The following OBP2B variants were observed in gnomAD, a reference collection of about 807,000 sequenced individuals.
OBP2B encodes odorant binding protein 2B, also known as odorant-binding protein 2b.
Under a neutral mutation model 21.7 loss-of-function variants are expected in OBP2B, and 10 were observed. The observed-to-expected ratio is 0.46, with a 90% CI of 0.28 to 0.78. The LOEUF is 0.78. Among genes scored for constraint, OBP2B ranks in the 30% least tolerant of loss-of-function variants. OBP2B has a pLI of 0.11. For synonymous variants in OBP2B, 73 were observed against 91.5 expected (o/e 0.80, Z 1.16); for missense variants, 153 against 217.7 (o/e 0.70, Z 1.87).
chr9:133,220,754 G>A, the OBP2B span, among the ~76,000 whole-genome samples: 5 of 152,338 alleles, frequency 3.3e-5, no homozygotes, highest in African/African-American at 1.2e-4. Flanking sequence ...ATAATTCAGT[G>A]AAGGATCTGA....
intron 4 of OBP2B, among the ~76,000 whole-genome samples, 174 bp downstream of exon 4, chr9:133,207,052 C>T (rs1833742769): frequency 6.6e-6 from 1 of 152,152 alleles, no homozygotes; most frequent in Non-Finnish European, 1.5e-5. Context: ...CTGCCTGGCC[C>T]ATCCCATTCC....
the OBP2B span, among the ~76,000 whole-genome samples, chr9:133,222,821 T>TG: frequency 6.6e-6 from 1 of 151,924 alleles, no homozygotes; most frequent in Admixed American, 6.6e-5. Context: ...CAGACTCTGT[T>TG]GGGGGACAGA....
the OBP2B span, among the ~76,000 whole-genome samples, chr9:133,217,724 T>C: frequency 1.3e-5 from 2 of 152,232 alleles, no homozygotes; most frequent in African/African-American, 2.4e-5. Flanking sequence ...CCCTGCCTGC[T>C]GGCCTCTGCC....
chr9:133,215,193 C>G, the OBP2B span, among the ~76,000 whole-genome samples: 4 of 152,094 alleles, frequency 2.6e-5, no homozygotes, highest in African/African-American at 9.7e-5. Flanking sequence ...AAAAGAGATA[C>G]CTAGGCATAA....
chr9:133,218,656 T>C, the OBP2B span, among the ~76,000 whole-genome samples: 1 of 152,094 alleles, frequency 6.6e-6, no homozygotes, highest in Admixed American at 6.5e-5. Flanking sequence ...CTGTGATCCC[T>C]GAGAATGGGA....
the OBP2B span, among the ~76,000 whole-genome samples, chr9:133,215,920 AC>A: frequency 6.6e-6 from 1 of 152,228 alleles, no homozygotes; most frequent in Admixed American, 6.5e-5. Flanking sequence ...TTGGTCTCAC[AC>A]CCTGCAAGAA....
chr9:133,221,186 A>G, the OBP2B span, among the ~76,000 whole-genome samples: 84 of 152,334 alleles, frequency 5.5e-4, no homozygotes, highest in Middle Eastern at 3.4e-3. Context: ...GAAGGGGAGC[A>G]TGAATATCTA....
intron 1 of OBP2B, 123 bp from the exon 2 acceptor site, chr9:133,208,725 C>A: frequency 1.3e-6 from 2 of 1,487,194 alleles, no homozygotes; most frequent in Non-Finnish European, 1.8e-6. Flanking sequence ...TAAAGGCAGG[C>A]TGTGTTCCTG....
At chr9:133,207,858 G>C (rs781794427) in intron 3 of OBP2B, 2 of 1,513,190 alleles carry the variant, frequency 1.3e-6, no homozygotes, top group Non-Finnish European at 1.8e-6. Context: ...TGGCCTCCTT[G>C]TCCCAATCCT....
chr9:133,208,591 G>A lies in OBP2B; in HGVS notation c.84C>T (p.Thr28=), dbSNP rs1361918139. 1 of 1,609,882 alleles carries A rather than the reference G, an allele frequency of 6.2e-7. No individual in the cohort carries two copies. Among genetic ancestry groups the A allele is most frequent in the African/African-American group, 1.3e-5 (1 of 74,800 alleles). ...CGACCACCATGGCCTTCACGTACCAGGTCCCTGTGATCTGGAGCAGGCCAA... is the reference window on the plus strand; with the variant it reads ...CGACCACCATGGCCTTCACGTACCAAGTCCCTGTGATCTGGAGCAGGCCAA... ...FTLEEEDITG[T]WYVKAMVVDK... is the part of the protein sequence containing the mutation. The change falls in exon 2 of 7, where the codon ACC becomes ACT. Residue 28 remains threonine (T), a synonymous_variant. Coordinates refer to ENST00000372034, the MANE Select transcript of OBP2B (RefSeq NM_014581.4).
upstream of OBP2B, among the ~76,000 whole-genome samples, chr9:133,210,142 C>T (rs1259457803): frequency 6.6e-6 from 1 of 152,106 alleles, no homozygotes; most frequent in Non-Finnish European, 1.5e-5. Context: ...GTCCCTTGGG[C>T]ACCTGGCTCT....
the OBP2B span, among the ~76,000 whole-genome samples, chr9:133,216,484 T>TAA: frequency 6.9e-5 from 10 of 144,814 alleles, no homozygotes; most frequent in South Asian, 2.2e-4. Context: ...TTGACAGGTT[T>TAA]AAAAAAAAAA....
At position 133,208,117 on chromosome 9, in the gene OBP2B, T is replaced by C; in HGVS notation, c.277+16A>G. The stretch of plus-strand genomic sequence containing the variant: ...CGGTGGGGGAGGGTGGGGGTGGGAG[T>C]GGGGGAGGGGCTCACAGGCGCTGTA... On this transcript the variant is annotated intron_variant, in intron 3 of 6. Transcript: ENST00000372034. The C allele has an allele frequency of 3.7e-6, 3 of 804,166 alleles. No homozygotes were observed. The highest frequency in any genetic ancestry group is 5.3e-6 in the Non-Finnish European group (3 of 570,228). The allele number at this position is 804,166 out of a possible 1,614,324, so 49.8% of individuals were successfully genotyped here.
chr9:133,212,748 T>G (rs1162013455), upstream of OBP2B, among the ~76,000 whole-genome samples: 1 of 152,148 alleles, frequency 6.6e-6, no homozygotes, highest in Non-Finnish European at 1.5e-5. Flanking sequence ...CTGGCCAACA[T>G]GGCGAAAACC....
chr9:133,207,190 TG>T, intron 4 of OBP2B, 35 bp downstream of exon 4: 1 of 1,409,644 alleles, frequency 7.1e-7, no homozygotes, highest in Non-Finnish European at 1.0e-6. Context: ...GCAGAGACCG[TG>T]GGGCAGGACA....
the OBP2B span, among the ~76,000 whole-genome samples, chr9:133,218,515 T>C: frequency 1.3e-5 from 2 of 152,146 alleles, no homozygotes; most frequent in Admixed American, 6.5e-5. Context: ...TAACCCAGGA[T>C]GGTGCACTGA....
upstream of OBP2B, among the ~76,000 whole-genome samples, chr9:133,213,660 C>T (rs1407762885): frequency 4.6e-5 from 7 of 152,170 alleles, no homozygotes; most frequent in East Asian, 1.9e-4. Context: ...GGGAATACTA[C>T]GAAGAGACCT....
intron 4 of OBP2B, among the ~76,000 whole-genome samples, 187 bp downstream of exon 4, chr9:133,207,039 T>G (rs1294247438): frequency 6.6e-6 from 1 of 151,950 alleles, no homozygotes; most frequent in Non-Finnish European, 1.5e-5. Flanking sequence ...GCCATGTCTG[T>G]CCCTGCCTGG....
upstream of OBP2B, among the ~76,000 whole-genome samples, chr9:133,213,692 T>C (rs1479323367): frequency 1.6e-4 from 24 of 152,324 alleles, no homozygotes; most frequent in Admixed American, 1.4e-3. Context: ...TTTGACAACA[T>C]AGGTGAAATG....
Sources: allele counts gnomAD v4.1 joint callset (sites outside exome capture counted in the v4.1 genomes callset), GRCh38; gene constraint gnomAD v4.1.1; transcripts MANE v1.5; gene names NCBI Gene and HGNC (gene_info 2026-07-23, HGNC 2026-07-21).